LYN: variants seen among roughly 807,000 people sequenced by gnomAD.
The protein encoded by LYN is tyrosine-protein kinase Lyn.
LYN carries 12 observed loss-of-function variants against 65.0 expected under a neutral mutation model. That is an observed-to-expected ratio of 0.18 (90% confidence interval 0.12 to 0.30). The LOEUF is 0.30. LYN is among the 10% of genes least tolerant of loss of function. The pLI is 1.00. For missense variants in LYN, 380 were observed against 623.2 expected, an observed-to-expected ratio of 0.61 and a Z score of 4.16; for synonymous variants, 222 against 221.2, an observed-to-expected ratio of 1.00 and a Z score of -0.03.
intron 1 of LYN, among the ~76,000 whole-genome samples, chr8:55,910,928 G>T (rs1385322879): frequency 1.4e-5 from 2 of 139,306 alleles, no homozygotes; most frequent in Admixed American, 1.5e-4. Context: ...ACAGAGTCTC[G>T]CTCTGACGCC....
chr8:55,995,777 C>T (rs755660385), intron 10 of LYN, among the ~76,000 whole-genome samples: 4 of 152,090 alleles, frequency 2.6e-5, no homozygotes, highest in Non-Finnish European at 5.9e-5. Context: ...AGGGCTGAGC[C>T]GGGGCCGGGT....
At chr8:56,004,482 C>T (rs1015538061) in intron 12 of LYN, among the ~76,000 whole-genome samples, 41 of 150,592 alleles carry the variant, frequency 2.7e-4, no homozygotes, top group Non-Finnish European at 4.4e-4. Flanking sequence ...TTAGTAGAGA[C>T]GGGGTTTCAC....
rs974693733 is a variant in LYN at position 56,013,445 on chromosome 8, A to G, written c.*3335A>G. 1.3e-5 allele frequency: 2 copies of G among 151,868 alleles called. No homozygotes were observed. The highest frequency in any genetic ancestry group is 2.4e-5 in the African/African-American group (1 of 41,310). 9.4% of individuals were successfully genotyped at this position (151,868 alleles called of 1,614,324 possible). A position where few individuals can be genotyped will look rare whatever the true frequency, so the allele number is the denominator to read the frequency against. On this transcript the variant is annotated 3_prime_UTR_variant, in exon 13 of 13. Coordinates refer to ENST00000519728, the MANE Select transcript of LYN (RefSeq NM_002350.4). ...ACCATCTCGCCTGGCTAATTTTTGT[A>G]TTTTTAGTAGAGATGGGGTTTCACC...
chr8:55,970,153 T>G (rs1452282796), intron 10 of LYN, among the ~76,000 whole-genome samples: 1 of 152,256 alleles, frequency 6.6e-6, no homozygotes, highest in Admixed American at 6.5e-5. Context: ...TGCGTATGTT[T>G]TATTTAAGTT....
intron 12 of LYN, among the ~76,000 whole-genome samples, chr8:56,001,876 G>T (rs748840942): frequency 6.6e-6 from 1 of 152,104 alleles, no homozygotes; most frequent in Non-Finnish European, 1.5e-5. Context: ...TGGGCCCCTC[G>T]CTGGTGGCAA....
At chr8:55,887,780 T>C (rs1160111304) in intron 1 of LYN, among the ~76,000 whole-genome samples, 2 of 151,894 alleles carry the variant, frequency 1.3e-5, no homozygotes, top group African/African-American at 2.4e-5. Context: ...CAGCTACTTT[T>C]TGTATTTTTA....
chr8:55,991,985 C>T (rs148562868), intron 10 of LYN, among the ~76,000 whole-genome samples: 18 of 152,336 alleles, frequency 1.2e-4, no homozygotes, highest in Non-Finnish European at 2.6e-4. Context: ...CGTCTCTTTA[C>T]GTGATTAGTC....
At chr8:56,003,987 C>T (rs1585684960) in intron 12 of LYN, among the ~76,000 whole-genome samples, 2 of 131,008 alleles carry the variant, frequency 1.5e-5, no homozygotes, top group South Asian at 2.3e-4. Flanking sequence ...GGCTGGAGTG[C>T]AATGGCGCCA....
chr8:55,967,438 C>A (rs1422954781), intron 9 of LYN, among the ~76,000 whole-genome samples: 1 of 151,236 alleles, frequency 6.6e-6, no homozygotes, highest in Admixed American at 6.6e-5. Context: ...CCTCGGCCTC[C>A]CTAGTAGCTG....
chr8:55,917,587 G>A (rs564355254), intron 1 of LYN, among the ~76,000 whole-genome samples: 7 of 152,242 alleles, frequency 4.6e-5, no homozygotes, highest in African/African-American at 1.7e-4. Flanking sequence ...CTGTGACAGG[G>A]GCTAGCAAGA....
chr8:55,973,200 C>G (rs141412991), intron 10 of LYN, among the ~76,000 whole-genome samples: 1 of 152,168 alleles, frequency 6.6e-6, no homozygotes, highest in Non-Finnish European at 1.5e-5. Context: ...CCCATTGAGA[C>G]AGAAAGTGGC....
chr8:55,918,290 C>G (rs1196179999), intron 1 of LYN, among the ~76,000 whole-genome samples: 1 of 152,212 alleles, frequency 6.6e-6, no homozygotes, highest in Non-Finnish European at 1.5e-5. Context: ...TGTTAACCTG[C>G]CTTTATTTCC....
In LYN at chr8:56,012,320, A is replaced by C; in HGVS notation, c.*2210A>C. Reference sequence around the variant, plus strand: ...GGTGTGCAAAATGGCTCATGTCATCACACCTCAGGTTATTGTAGAGAACTG... The same window carrying C: ...GGTGTGCAAAATGGCTCATGTCATCCCACCTCAGGTTATTGTAGAGAACTG... On this transcript the variant is annotated 3_prime_UTR_variant, in exon 13 of 13. Transcript: ENST00000519728. 5.6e-6 allele frequency: 1 copy of C among 179,886 alleles called. No individual in the cohort carries two copies. Among genetic ancestry groups the C allele is most frequent in the Non-Finnish European group, 1.2e-5 (1 of 84,014 alleles). 11.1% of individuals were successfully genotyped at this position (179,886 alleles called of 1,614,324 possible).
chr8:56,008,411 T>A (rs1808731702), intron 12 of LYN, among the ~76,000 whole-genome samples: 1 of 152,202 alleles, frequency 6.6e-6, no homozygotes, highest in African/African-American at 2.4e-5. Context: ...ATGGAGCCCC[T>A]CTCATATGCC....
At chr8:55,905,659 T>A (rs1805399297) in intron 1 of LYN, among the ~76,000 whole-genome samples, 1 of 152,066 alleles carries the variant, frequency 6.6e-6, no homozygotes, top group Admixed American at 6.5e-5. Flanking sequence ...TCCTTTCTTT[T>A]CCTAGTCACC....
chr8:56,002,147 T>C (rs1808530730), intron 12 of LYN, among the ~76,000 whole-genome samples: 2 of 152,128 alleles, frequency 1.3e-5, no homozygotes, highest in Non-Finnish European at 2.9e-5. Flanking sequence ...CTGGGTGCAG[T>C]GGCTCACACC....
intron 10 of LYN, among the ~76,000 whole-genome samples, chr8:55,986,194 C>CA (rs1361930182): frequency 2.6e-4 from 38 of 146,014 alleles, no homozygotes; most frequent in East Asian, 1.6e-3. Context: ...ATCCCCCCCG[C>CA]AAAAAAAAAC....
At chr8:55,897,147 A>G (rs1316797703) in intron 1 of LYN, among the ~76,000 whole-genome samples, 1 of 152,198 alleles carries the variant, frequency 6.6e-6, no homozygotes, top group African/African-American at 2.4e-5. Flanking sequence ...ATCCACAGGT[A>G]TCTTCTGATT....
At chr8:55,884,195 G>C (rs1294998966) in intron 1 of LYN, among the ~76,000 whole-genome samples, 1 of 152,158 alleles carries the variant, frequency 6.6e-6, no homozygotes, top group African/African-American at 2.4e-5. Context: ...CGCCTCCTGG[G>C]TTCAAGCAAT....
Sources: allele counts gnomAD v4.1 joint callset (sites outside exome capture counted in the v4.1 genomes callset), GRCh38; gene constraint gnomAD v4.1.1; transcripts MANE v1.5; gene names NCBI Gene and HGNC (gene_info 2026-07-23, HGNC 2026-07-21).